ATP8A2: variants seen among roughly 807,000 people sequenced by gnomAD.
ATP8A2 encodes the protein ATPase phospholipid transporting 8A2.
ATP8A2 carries 100 observed loss-of-function variants against 165.6 expected under a neutral mutation model. The ratio of observed to expected loss-of-function variants is 0.60; its 90% confidence interval spans 0.51 to 0.71. ATP8A2 has a LOEUF of 0.71. ATP8A2 is among the 30% of genes least tolerant of loss of function. The pLI is 0.00. For missense variants in ATP8A2, 1,227 were observed against 1,479.5 expected, an observed-to-expected ratio of 0.83 and a Z score of 2.80; for synonymous variants, 543 against 548.8, an observed-to-expected ratio of 0.99 and a Z score of 0.15.
At chr13:25,541,767 C>T in intron 8 of ATP8A2, 152 bp from the exon 9 acceptor site, 4 of 740,008 alleles carry the variant, frequency 5.4e-6, no homozygotes, top group Non-Finnish European at 6.5e-6. Context: ...GAAAAGTCTG[C>T]CTTGAGGGGC....
intron 33 of ATP8A2, among the ~76,000 whole-genome samples, chr13:25,864,694 G>A (rs1462653527): frequency 2.0e-5 from 3 of 152,218 alleles, no homozygotes; most frequent in Non-Finnish European, 4.4e-5. Flanking sequence ...TTCCCATGAA[G>A]CAGATGATAA....
intron 2 of ATP8A2, among the ~76,000 whole-genome samples, chr13:25,508,332 C>T (rs550626664): frequency 2.6e-4 from 39 of 152,246 alleles, no homozygotes; most frequent in African/African-American, 8.2e-4. Context: ...TTCAGGCAAT[C>T]GATCTCCTAG....
At chr13:25,827,299 A>G (rs1951347929) in intron 27 of ATP8A2, among the ~76,000 whole-genome samples, 3 of 151,950 alleles carry the variant, frequency 2.0e-5, no homozygotes, top group Admixed American at 6.6e-5. Context: ...TTCAGTAGAG[A>G]TGGGGTTTCA....
intron 35 of ATP8A2, among the ~76,000 whole-genome samples, chr13:25,997,791 A>G (rs1213465569): frequency 1.3e-5 from 2 of 151,810 alleles, no homozygotes; most frequent in African/African-American, 2.4e-5. Flanking sequence ...TTTAAGTCTT[A>G]TATTTCTTGG....
intron 33 of ATP8A2, among the ~76,000 whole-genome samples, chr13:25,900,952 T>G (rs895778347): frequency 4.6e-5 from 7 of 152,006 alleles, no homozygotes; most frequent in Admixed American, 3.3e-4. Flanking sequence ...CTTCATGGAG[T>G]TTGGATCAAG....
chr13:25,708,760 T>C (rs969807270), intron 25 of ATP8A2, among the ~76,000 whole-genome samples: 12 of 152,218 alleles, frequency 7.9e-5, no homozygotes, highest in African/African-American at 2.7e-4. Flanking sequence ...CGTTGAACTT[T>C]AGAGAGGAAA....
chr13:25,545,819 G>C (rs1233774355), intron 10 of ATP8A2, among the ~76,000 whole-genome samples: 1 of 152,148 alleles, frequency 6.6e-6, no homozygotes, highest in African/African-American at 2.4e-5. Context: ...ATTTTTTGTA[G>C]AGACGGGATT....
intron 24 of ATP8A2, among the ~76,000 whole-genome samples, chr13:25,640,760 C>T (rs1474471090): frequency 6.6e-6 from 1 of 152,106 alleles, no homozygotes; most frequent in Non-Finnish European, 1.5e-5. Flanking sequence ...TTTATGAGGC[C>T]AGCATCATCC....
At chr13:25,551,258 G>A (rs2038812460) in intron 10 of ATP8A2, 80 bp from the exon 11 acceptor site, 2 of 1,346,028 alleles carry the variant, frequency 1.5e-6, no homozygotes, top group African/African-American at 2.9e-5. Flanking sequence ...GTTAAATATG[G>A]TTGTTTTACC....
intron 18 of ATP8A2, among the ~76,000 whole-genome samples, chr13:25,573,132 G>T (rs2039514910): frequency 6.6e-6 from 1 of 152,252 alleles, no homozygotes; most frequent in South Asian, 2.1e-4. Context: ...TAAAAATGAG[G>T]TCTTTTTCCC....
In ATP8A2 at chr13:25,433,252, A is replaced by G. The variant is rs115993614; in HGVS notation, c.77-35725A>G. 9.9e-3 allele frequency among the ~76,000 whole-genome samples: 1,506 copies of G among 152,216 alleles called. 32 individuals are homozygous for G. The highest frequency in any genetic ancestry group is 0.034 in the African/African-American group (1,403 of 41,526). ...GCAGTTGTGTCCTGAAATTCATTTC[A>G]GGTCTGTTTTTCTTTTCCTTTTGTT... On this transcript the variant is annotated intron_variant, in intron 1 of 36. Coordinates refer to ENST00000381655, the MANE Select transcript of ATP8A2 (RefSeq NM_016529.6).
intron 2 of ATP8A2, among the ~76,000 whole-genome samples, chr13:25,494,544 C>T (rs182441898): frequency 2.8e-4 from 43 of 152,176 alleles, no homozygotes; most frequent in Admixed American, 2.7e-3. Flanking sequence ...GGACACAGCC[C>T]GCTTTTCTGT....
chr13:25,388,059 T>A (rs1187322737), intron 1 of ATP8A2, among the ~76,000 whole-genome samples: 2 of 4,710 alleles, frequency 4.2e-4, no homozygotes, highest in Non-Finnish European at 9.0e-4. Flanking sequence ...TGAGACTCCA[T>A]CTCAAAAAAA....
chr13:25,868,049 T>C (rs1952564613), intron 33 of ATP8A2: 1 of 450,728 alleles, frequency 2.2e-6, no homozygotes, highest in African/African-American at 2.0e-5. Flanking sequence ...ATTTCCTGTG[T>C]GCTGCCCGGC....
At chr13:25,533,126 TG>T (rs1443142781) in intron 5 of ATP8A2, 146 bp from the exon 6 acceptor site, 68 of 624,210 alleles carry the variant, frequency 1.1e-4, no homozygotes, top group Non-Finnish European at 1.7e-4. Context: ...ATTTTGAGGG[TG>T]GGGGTGCTGA....
At chr13:25,668,170 T>TG (rs2042192795) in intron 24 of ATP8A2, among the ~76,000 whole-genome samples, 2 of 152,204 alleles carry the variant, frequency 1.3e-5, no homozygotes, top group Admixed American at 1.3e-4. Flanking sequence ...TCCTATGAAA[T>TG]GTCCTTTCCT....
rs988342275 is a variant in ATP8A2 at position 25,769,347 on chromosome 13, T to G, written c.2568+118T>G. Reference sequence around the variant, plus strand: ...CCTCTGCCACCCCTCTTGAGGTTGCTGTCTAGATGAAACCCCGGGGATATT... The same window carrying G: ...CCTCTGCCACCCCTCTTGAGGTTGCGGTCTAGATGAAACCCCGGGGATATT... On this transcript the variant is annotated intron_variant, in intron 26 of 36. Transcript: ENST00000381655. 15 of 981,326 alleles carry G rather than the reference T, an allele frequency of 1.5e-5. No homozygotes were observed. The African/African-American group carries it at 2.5e-4, about 16-fold the overall frequency. The allele number at this position is 981,326 out of a possible 1,614,324, so 60.8% of individuals were successfully genotyped here.
At chr13:25,790,610 G>T (rs1290565609) in intron 27 of ATP8A2, among the ~76,000 whole-genome samples, 1 of 151,388 alleles carries the variant, frequency 6.6e-6, no homozygotes, top group Non-Finnish European at 1.5e-5. Flanking sequence ...TGGGAGGATC[G>T]CTTGAGCCTG....
At chr13:25,962,629 T>G (rs1955683848) in intron 34 of ATP8A2, among the ~76,000 whole-genome samples, 2 of 152,202 alleles carry the variant, frequency 1.3e-5, no homozygotes, top group Admixed American at 6.5e-5. Flanking sequence ...CCAACTTCTC[T>G]GAAAATTGAG....
Sources: gnomAD v4.1 joint callset for allele counts (sites outside exome capture counted in the v4.1 genomes callset) on GRCh38, gnomAD v4.1.1 for gene constraint, MANE v1.5 for transcripts, NCBI Gene and HGNC (gene_info 2026-07-23, HGNC 2026-07-21) for gene names.